The following GOSR1 variants were observed in gnomAD, a reference collection of about 807,000 sequenced individuals.
GOSR1 encodes the protein 28 kDa Golgi SNARE protein.
Under a neutral mutation model 35.5 loss-of-function variants are expected in GOSR1, and 21 were observed. The observed-to-expected ratio is 0.59, with a 90% CI of 0.42 to 0.85. The LOEUF (loss-of-function observed/expected upper bound fraction) is 0.85, where lower values mean the gene tolerates loss of function less well. Ranked by LOEUF, GOSR1 falls within the 40% of genes least tolerant of loss-of-function variation. GOSR1 has a pLI of 0.00. For synonymous variants in GOSR1, 94 were observed against 106.6 expected (o/e 0.88, Z 0.73); for missense variants, 285 against 309.6 (o/e 0.92, Z 0.60).
intron 6 of GOSR1, among the ~76,000 whole-genome samples, chr17:30,509,554 C>T (rs1262931660): frequency 6.6e-6 from 1 of 152,182 alleles, no homozygotes; most frequent in Non-Finnish European, 1.5e-5. Flanking sequence ...AAAATACATG[C>T]AGATATTTAT....
Position 30,525,233 on chromosome 17 carries a change from G to C in GOSR1, c.*2855G>C, listed in dbSNP as rs1241323928. On this transcript the variant is annotated 3_prime_UTR_variant, in exon 9 of 9. Coordinates refer to ENST00000451249, the MANE Select transcript of GOSR1 (RefSeq NM_001007025.2). ...TGTTATTCAGGCGAACTTGCTCATG[G>C]GTGGACTAACACCTGGTTTGGTACA... The C allele has an allele frequency of 6.6e-6, 1 of 152,194 alleles. No individual in the cohort carries two copies. The highest frequency in any genetic ancestry group is 2.4e-5 in the African/African-American group (1 of 41,440). 9.4% of individuals were successfully genotyped at this position (152,194 alleles called of 1,614,324 possible).
intron 6 of GOSR1, among the ~76,000 whole-genome samples, chr17:30,494,215 A>AC (rs67009936): frequency 6.6e-5 from 10 of 151,604 alleles, no homozygotes; most frequent in African/African-American, 1.9e-4. Context: ...ACACACACAC[A>AC]ACTTTGTAAT....
At chr17:30,513,934 C>G (rs549246807) in intron 7 of GOSR1, among the ~76,000 whole-genome samples, 1 of 151,974 alleles carries the variant, frequency 6.6e-6, no homozygotes, top group Non-Finnish European at 1.5e-5. Flanking sequence ...ACAGTGAGGC[C>G]GTGTCTCAAA....
At position 30,487,040 on chromosome 17, in the gene GOSR1, C is replaced by T. The variant is rs1914726736; in HGVS notation, c.342+2270C>T. ...AATGAAGATAAGTGGTAGAGGGTTC[C>T]TAGTTCTACCAGATCTTAAAACCTG... is the stretch of plus-strand genomic sequence containing the variant. On this transcript the variant is annotated intron_variant, in intron 4 of 8. Transcript: ENST00000451249. Among the ~76,000 whole-genome samples the T allele has an allele frequency of 2.0e-5, 3 of 152,086 alleles. No individual in the cohort carries two copies. The South Asian group carries it at 6.2e-4, about 32-fold the overall frequency.
At chr17:30,522,167 C>G in intron 8 of GOSR1, 87 bp from the exon 9 acceptor site, 1 of 1,032,250 alleles carries the variant, frequency 9.7e-7, no homozygotes, top group South Asian at 1.8e-5. Context: ...TGTTTCTAGA[C>G]ACCACTGATC....
chr17:30,490,210 G>A lies in GOSR1; in HGVS notation c.427G>A (p.Asp143Asn), dbSNP rs761822262. 1.4e-6 allele frequency: 2 copies of A among 1,436,538 alleles called. No homozygotes were observed. Among genetic ancestry groups the A allele is most frequent in the Non-Finnish European group, 2.0e-6 (2 of 1,018,640 alleles). The allele number at this position is 1,436,538 out of a possible 1,614,324, so 89.0% of individuals were successfully genotyped here. ...GAATCTTATGGGATCAGTACGAAAA[G>A]ATATTGAGTAAGTTACTTTTTATAT... The part of the protein sequence containing the change: ...RENLMGSVRK[D>N]IESYKSGSGV... Residue 143 changes from aspartate (D) to asparagine (N), a missense_variant, in exon 5 of 9, where the codon GAT becomes AAT. Physicochemically the swap from Asp to Asn is conservative, Grantham distance 23. Coordinates refer to ENST00000451249, the MANE Select transcript of GOSR1 (RefSeq NM_001007025.2).
chr17:30,499,202 A>T (rs1967109477), intron 6 of GOSR1, among the ~76,000 whole-genome samples: 1 of 152,220 alleles, frequency 6.6e-6, no homozygotes, highest in Non-Finnish European at 1.5e-5. Flanking sequence ...AATAACTTCC[A>T]TTGTATGATA....
rs1968172215 is a variant in GOSR1, at chr17:30,525,731, C to G, written c.*3353C>G. ...ACAAGCTAGTCTAGCTCACTGCAGC[C>G]AAGCAAACCCTGTTGATGGCTGATG... On this transcript the variant is annotated 3_prime_UTR_variant, in exon 9 of 9. Coordinates refer to ENST00000451249, the MANE Select transcript of GOSR1 (RefSeq NM_001007025.2). The G allele has an allele frequency of 6.6e-6, 1 of 152,152 alleles. No homozygotes were observed. The highest frequency in any genetic ancestry group is 1.5e-5 in the Non-Finnish European group (1 of 68,028). The allele number at this position is 152,152 out of a possible 1,614,324, so 9.4% of individuals were successfully genotyped here. A position where few individuals can be genotyped will look rare whatever the true frequency, so the allele number is the denominator to read the frequency against.
chr17:30,497,031 ATAT>A (rs1221939848), intron 6 of GOSR1, among the ~76,000 whole-genome samples: 9 of 152,220 alleles, frequency 5.9e-5, no homozygotes, highest in Admixed American at 2.0e-4. Context: ...GATATTTAAA[ATAT>A]TATCCTAATT....
chr17:30,484,536 TTTTG>T, intron 3 of GOSR1, 123 bp from the exon 4 acceptor site: 1 of 13,712 alleles, frequency 7.3e-5, no homozygotes, highest in Non-Finnish European at 1.3e-4. Flanking sequence ...CTTGTTTGTT[TTTTG>T]TTTTGTTTTG....
intron 6 of GOSR1, among the ~76,000 whole-genome samples, chr17:30,494,192 AAC>A (rs143873080): frequency 0.02 from 3,011 of 150,510 alleles, 46 homozygotes; most frequent in Non-Finnish European, 0.03. Flanking sequence ...GCCATACTTA[AAC>A]ACACACACAC....
chr17:30,503,833 T>G (rs1967301320), intron 6 of GOSR1, among the ~76,000 whole-genome samples: 1 of 152,218 alleles, frequency 6.6e-6, no homozygotes, highest in Non-Finnish European at 1.5e-5. Context: ...TTCCTGTAAG[T>G]TAAAGATCCC....
intron 6 of GOSR1, among the ~76,000 whole-genome samples, chr17:30,500,494 T>A (rs1354223777): frequency 2.0e-5 from 3 of 152,246 alleles, no homozygotes; most frequent in African/African-American, 7.2e-5. Flanking sequence ...TCTTTTCCTC[T>A]GTTTAATCTT....
chr17:30,526,747 G>A lies in GOSR1; in HGVS notation c.*4369G>A, dbSNP rs537182482. The A allele has an allele frequency of 6.6e-6, 1 of 152,658 alleles. No homozygotes were observed. The highest frequency in any genetic ancestry group is 6.5e-5 in the Admixed American group (1 of 15,292). 9.5% of individuals were successfully genotyped at this position (152,658 alleles called of 1,614,324 possible). A position where few individuals can be genotyped will look rare whatever the true frequency, so the allele number is the denominator to read the frequency against. Reference sequence around the variant, plus strand: ...ACTTAATTTTTGTTCTCATCTAAATGTGCATTTTCTGACTGTATAGAAGAA... The same window carrying A: ...ACTTAATTTTTGTTCTCATCTAAATATGCATTTTCTGACTGTATAGAAGAA... On this transcript the variant is annotated 3_prime_UTR_variant, in exon 9 of 9. Coordinates refer to ENST00000451249, the MANE Select transcript of GOSR1 (RefSeq NM_001007025.2).
chr17:30,486,517 T>A (rs9908192), intron 4 of GOSR1, among the ~76,000 whole-genome samples: 1 of 148,348 alleles, frequency 6.7e-6, no homozygotes, highest in African/African-American at 2.5e-5. Flanking sequence ...GAGTGACTGT[T>A]TCAAAAAAAA....
intron 6 of GOSR1, chr17:30,495,386 C>T (rs929262977): frequency 1.1e-5 from 5 of 450,592 alleles, no homozygotes; most frequent in Admixed American, 4.9e-5. Flanking sequence ...GAATAAAATA[C>T]GTCTTCTGTA....
At chr17:30,487,968 G>A (rs1225049135) in intron 4 of GOSR1, among the ~76,000 whole-genome samples, 2 of 151,782 alleles carry the variant, frequency 1.3e-5, no homozygotes, top group South Asian at 2.1e-4. Flanking sequence ...TAGAGATGGG[G>A]TTTCATCATA....
chr17:30,506,239 G>A (rs1285194965), intron 6 of GOSR1, among the ~76,000 whole-genome samples: 3 of 152,294 alleles, frequency 2.0e-5, no homozygotes, highest in East Asian at 1.9e-4. Context: ...AAAGCATACC[G>A]AAAGCCAATC....
chr17:30,486,049 A>G (rs1914664409), intron 4 of GOSR1, among the ~76,000 whole-genome samples: 2 of 151,806 alleles, frequency 1.3e-5, no homozygotes, highest in Non-Finnish European at 2.9e-5. Flanking sequence ...AAGTAGGAAT[A>G]GAAAGATACT....
Sources: gnomAD v4.1 joint callset for allele counts (sites outside exome capture counted in the v4.1 genomes callset) on GRCh38, gnomAD v4.1.1 for gene constraint, MANE v1.5 for transcripts, NCBI Gene and HGNC (gene_info 2026-07-23, HGNC 2026-07-21) for gene names.